Variants in CFAP299 observed in about 807,000 individuals in gnomAD.
The protein encoded by CFAP299 is cilia- and flagella-associated protein 299.
In CFAP299, 21 loss-of-function variants were observed where a neutral mutation model predicts 27.0. The ratio of observed to expected loss-of-function variants is 0.78; its 90% confidence interval spans 0.55 to 1.12. CFAP299 has a LOEUF of 1.12. Among genes scored for constraint, CFAP299 ranks in the 50% most tolerant of loss-of-function variants. CFAP299 has a pLI of 0.00. For synonymous variants in CFAP299, 104 were observed against 98.1 expected (o/e 1.06, Z -0.36); for missense variants, 310 against 276.6 (o/e 1.12, Z -0.86).
chr4:80,565,581 A>G (rs1039319216), intron 2 of CFAP299, among the ~76,000 whole-genome samples: 6 of 152,206 alleles, frequency 3.9e-5, no homozygotes, highest in Non-Finnish European at 8.8e-5. Context: ...TATATAATTA[A>G]AAAGAAGAAT....
intron 3 of CFAP299, among the ~76,000 whole-genome samples, chr4:80,678,172 C>A (rs557730136): frequency 2.6e-5 from 4 of 151,912 alleles, no homozygotes; most frequent in African/African-American, 4.8e-5. Context: ...TAATTGTCTC[C>A]TCTTCTTCAA....
intron 1 of CFAP299, among the ~76,000 whole-genome samples, chr4:80,351,835 A>G (rs1723027242): frequency 1.3e-5 from 2 of 150,454 alleles, no homozygotes; most frequent in African/African-American, 2.4e-5. Context: ...TAAATTAACA[A>G]TCTATTAATG....
chr4:80,522,953 T>C (rs1732995015), intron 2 of CFAP299, among the ~76,000 whole-genome samples: 1 of 152,158 alleles, frequency 6.6e-6, no homozygotes, highest in South Asian at 2.1e-4. Flanking sequence ...TTTGTTCTTC[T>C]TTCTCAAGGT....
At chr4:80,416,391 T>C (rs1402599900) in intron 2 of CFAP299, among the ~76,000 whole-genome samples, 1 of 152,218 alleles carries the variant, frequency 6.6e-6, no homozygotes. Flanking sequence ...AGACCTACTG[T>C]CCTCTCCTCA....
At chr4:80,861,276 C>A (rs1004511445) in intron 3 of CFAP299, among the ~76,000 whole-genome samples, 2 of 152,060 alleles carry the variant, frequency 1.3e-5, no homozygotes, top group Admixed American at 1.3e-4. Context: ...GTGCAGTATT[C>A]GGGTGGGAGT....
At chr4:80,845,101 T>G (rs1354386962) in intron 3 of CFAP299, among the ~76,000 whole-genome samples, 3 of 152,196 alleles carry the variant, frequency 2.0e-5, no homozygotes, top group African/African-American at 7.2e-5. Context: ...TCTGTTCTAT[T>G]CCATTGGTCT....
intron 1 of CFAP299, among the ~76,000 whole-genome samples, chr4:80,348,628 G>T (rs1202199495): frequency 6.6e-6 from 1 of 151,986 alleles, no homozygotes; most frequent in East Asian, 1.9e-4. Flanking sequence ...TTGGCCATCT[G>T]CAATTCAAGA....
intron 3 of CFAP299, among the ~76,000 whole-genome samples, chr4:80,742,191 T>C (rs1223829368): frequency 6.6e-6 from 1 of 152,188 alleles, no homozygotes; most frequent in African/African-American, 2.4e-5. Flanking sequence ...ATTCTAGTGA[T>C]GGTGCTTTTC....
chr4:80,676,760 A>G (rs1027023340), intron 3 of CFAP299, among the ~76,000 whole-genome samples: 2 of 151,720 alleles, frequency 1.3e-5, no homozygotes, highest in African/African-American at 4.8e-5. Context: ...ATAATAGTCT[A>G]TGGTGATTAT....
chr4:80,657,386 T>A (rs1481608341), intron 3 of CFAP299, among the ~76,000 whole-genome samples: 2 of 152,204 alleles, frequency 1.3e-5, no homozygotes, highest in Admixed American at 1.3e-4. Flanking sequence ...CTTCAATCCA[T>A]CTTAAGTTGA....
intron 2 of CFAP299, among the ~76,000 whole-genome samples, chr4:80,551,955 G>T (rs1426454727): frequency 6.6e-6 from 1 of 151,978 alleles, no homozygotes; most frequent in Non-Finnish European, 1.5e-5. Flanking sequence ...CACCATGTTG[G>T]CCAGGATGGT....
chr4:80,909,214 T>A (rs80171158), intron 4 of CFAP299, among the ~76,000 whole-genome samples: 3,306 of 152,130 alleles, frequency 0.022, 124 homozygotes, highest in East Asian at 0.15. Context: ...AACAATTAAC[T>A]AAATTTGGTT....
intron 2 of CFAP299, chr4:80,386,404 C>T: frequency 1.3e-6 from 2 of 1,540,790 alleles, no homozygotes; most frequent in South Asian, 1.2e-5. Context: ...AGACCAGCCC[C>T]TGTGTCCTTC....
At chr4:80,638,075 C>T (rs1281031399) in intron 3 of CFAP299, among the ~76,000 whole-genome samples, 1 of 152,096 alleles carries the variant, frequency 6.6e-6, no homozygotes, top group Non-Finnish European at 1.5e-5. Flanking sequence ...CAAGGAGATC[C>T]AGCTCATCAA....
chr4:80,471,833 A>G (rs188159664), intron 2 of CFAP299, among the ~76,000 whole-genome samples: 2 of 152,192 alleles, frequency 1.3e-5, no homozygotes, highest in Admixed American at 6.5e-5. Flanking sequence ...GAGATGGGAG[A>G]GCGCTTGCAC....
intron 3 of CFAP299, among the ~76,000 whole-genome samples, chr4:80,834,642 A>G (rs987869405): frequency 6.6e-6 from 1 of 152,208 alleles, no homozygotes; most frequent in African/African-American, 2.4e-5. Flanking sequence ...GAAAAGGGGT[A>G]CACAGATTTA....
At position 80,386,516 on chromosome 4, in the gene CFAP299, G is replaced by T. The variant is rs1308096930; in HGVS notation, c.242+23632G>T. ...CCCTCTTCTCGCGGGCGGTGGTGGG[G>T]GGGGGGGGTGCCGCCGGGTTTGCAG... On this transcript the variant is annotated intron_variant, in intron 2 of 5. Transcript: ENST00000358105. 882 of 1,487,498 alleles carry T rather than the reference G, an allele frequency of 5.9e-4. 10 individuals carry two copies. In the South Asian group the frequency reaches 6.2e-3, roughly 10 times the overall value. The allele number at this position is 1,487,498 out of a possible 1,614,324, so 92.1% of individuals were successfully genotyped here.
chr4:80,725,055 C>G (rs1277748495), intron 3 of CFAP299, among the ~76,000 whole-genome samples: 1 of 151,166 alleles, frequency 6.6e-6, no homozygotes, highest in African/African-American at 2.4e-5. Flanking sequence ...GGCGATTGTC[C>G]TGCCTCAGCC....
At position 80,405,074 on chromosome 4, in the gene CFAP299, A is replaced by G. The variant is rs115769087; in HGVS notation, c.242+42190A>G. Among the ~76,000 whole-genome samples, 297 of 152,330 alleles carry G rather than the reference A, an allele frequency of 1.9e-3. 1 individual carries two copies. Among genetic ancestry groups the G allele is most frequent in the African/African-American group, 6.9e-3 (287 of 41,574 alleles). ...TTATACTAGAGTTGTTATAGGAGGT[A>G]TGGACAATTGTGGGATGTGAAGCTT... On this transcript the variant is annotated intron_variant, in intron 2 of 5. Coordinates refer to ENST00000358105, the MANE Select transcript of CFAP299 (RefSeq NM_152770.3).
Sources: allele counts gnomAD v4.1 joint callset (sites outside exome capture counted in the v4.1 genomes callset), GRCh38; gene constraint gnomAD v4.1.1; transcripts MANE v1.5; gene names NCBI Gene and HGNC (gene_info 2026-07-23, HGNC 2026-07-21).